The following SFMBT2 variants were observed in gnomAD, a reference collection of about 807,000 sequenced individuals.
SFMBT2 encodes Scm like with four mbt domains 2, also known as scm-like with four MBT domains protein 2.
A neutral mutation model predicts 110.1 loss-of-function variants in SFMBT2; 38 were observed. The observed-to-expected ratio is 0.35, with a 90% CI of 0.27 to 0.45. The LOEUF is 0.45. Ranked by LOEUF, SFMBT2 falls within the 20% of genes least tolerant of loss-of-function variation. SFMBT2 has a pLI of 1.00. For missense variants in SFMBT2, 1,011 were observed against 1,094.9 expected, an observed-to-expected ratio of 0.92 and a Z score of 1.08; for synonymous variants, 425 against 425.4, an observed-to-expected ratio of 1.00 and a Z score of 0.01.
chr10:7,264,020 A>C (rs2131783289), intron 7 of SFMBT2: 1 of 243,668 alleles, frequency 4.1e-6, no homozygotes, highest in African/African-American at 2.3e-5. Flanking sequence ...CACTGAAAAA[A>C]AGCACTGGAT....
intron 1 of SFMBT2, among the ~76,000 whole-genome samples, chr10:7,383,271 A>G (rs1382895221): frequency 6.6e-6 from 1 of 152,166 alleles, no homozygotes; most frequent in Non-Finnish European, 1.5e-5. Flanking sequence ...TGGGAGGCTG[A>G]GGCGGGAGGA....
intron 4 of SFMBT2, among the ~76,000 whole-genome samples, chr10:7,317,140 CCCAGGGT>C (rs1043243545): frequency 1.3e-5 from 2 of 152,080 alleles, no homozygotes; most frequent in Non-Finnish European, 2.9e-5. Flanking sequence ...TGCCCCCTCC[CCCAGGGT>C]CATGTCCTGA....
intron 20 of SFMBT2, chr10:7,164,326 C>T: frequency 2.7e-6 from 2 of 753,616 alleles, no homozygotes; most frequent in South Asian, 6.0e-5. Context: ...TTTGAGGTTG[C>T]AGTGAGCTGT....
At position 7,172,404 on chromosome 10, in the gene SFMBT2, C is replaced by T. The variant is rs542628467; in HGVS notation, c.2151+91G>A. 4.2e-4 allele frequency: 669 copies of T among 1,589,972 alleles called. No individual in the cohort carries two copies. The highest frequency in any genetic ancestry group is 5.1e-4 in the Non-Finnish European group (599 of 1,169,818). ...TTTCTGACCATCTTGCCACAATCTC[C>T]AGGGCCACCTCTGCTGTGAAGCAGC... On this transcript the variant is annotated intron_variant, in intron 18 of 20. Transcript: ENST00000397167. This position sits in a 1 kb window ranked among gnomAD's most constrained non-coding sequence, Gnocchi z 4.6.
At chr10:7,348,679 T>C (rs987397210) in intron 4 of SFMBT2, among the ~76,000 whole-genome samples, 18 of 152,252 alleles carry the variant, frequency 1.2e-4, no homozygotes, top group Admixed American at 2.0e-4. Context: ...ATAATCATTC[T>C]ATCTTCTGTT....
At position 7,370,132 on chromosome 10, in the gene SFMBT2, G is replaced by A. The variant is rs1845020558; in HGVS notation, c.195+149C>T. 3 of 624,364 alleles carry A rather than the reference G, an allele frequency of 4.8e-6. No homozygotes were observed. In the Admixed American group the frequency reaches 8.3e-5, roughly 17 times the overall value. The allele number at this position is 624,364 out of a possible 1,614,324, so 38.7% of individuals were successfully genotyped here. A position where few individuals can be genotyped will look rare whatever the true frequency, so the allele number is the denominator to read the frequency against. On this transcript the variant is annotated intron_variant, in intron 3 of 20. Transcript: ENST00000397167. Reference sequence around the variant, plus strand: ...AGTCTCAGCCTCAGCCTCCCAAAGTGCTGGGATTACAGGTGTGAGCCACCA... The same window carrying A: ...AGTCTCAGCCTCAGCCTCCCAAAGTACTGGGATTACAGGTGTGAGCCACCA...
At chr10:7,342,406 T>C (rs1843942886) in intron 4 of SFMBT2, among the ~76,000 whole-genome samples, 1 of 78,908 alleles carries the variant, frequency 1.3e-5, no homozygotes, top group Non-Finnish European at 2.3e-5. Context: ...CTTTTTTTTT[T>C]TTTTTTTTTT....
intron 4 of SFMBT2, among the ~76,000 whole-genome samples, chr10:7,358,353 ACATGGCCCTAGAACATCTG>A (rs1249343770): frequency 1.7e-4 from 21 of 121,374 alleles, no homozygotes; most frequent in East Asian, 8.0e-4. Context: ...TGTGACATCA[ACATGGCCCTAGAACATCTG>A]CATGGCCCTA....
chr10:7,172,866 T>C lies in SFMBT2; in HGVS notation c.1985-205A>G, dbSNP rs1429146867. On this transcript the variant is annotated intron_variant, in intron 17 of 20. Transcript: ENST00000397167. This position sits in a 1 kb window ranked among gnomAD's most constrained non-coding sequence, Gnocchi z 4.6. ...AGGTGTTCGGGCTGAACTTGGCCCG[T>C]CCCCAGTGTTGAAGCCCAAACCCCC... Among the ~76,000 whole-genome samples the C allele has an allele frequency of 6.6e-6, 1 of 152,124 alleles. No homozygotes were observed. The highest frequency in any genetic ancestry group is 2.4e-5 in the African/African-American group (1 of 41,412).
At chr10:7,209,926 T>C (rs1266997042) in intron 11 of SFMBT2, among the ~76,000 whole-genome samples, 1 of 152,230 alleles carries the variant, frequency 6.6e-6, no homozygotes, top group African/African-American at 2.4e-5. Flanking sequence ...AAGACTCTTA[T>C]ACATAAATAC....
At chr10:7,175,696 A>C (rs1441776969) in intron 17 of SFMBT2, among the ~76,000 whole-genome samples, 6 of 152,174 alleles carry the variant, frequency 3.9e-5, no homozygotes, top group African/African-American at 1.4e-4. Context: ...TGAGCTGTAG[A>C]ATCAATCAAT....
chr10:7,196,700 T>C (rs1375153169), intron 15 of SFMBT2, among the ~76,000 whole-genome samples: 1 of 152,214 alleles, frequency 6.6e-6, no homozygotes, highest in Non-Finnish European at 1.5e-5. Flanking sequence ...CCTGCAGAAT[T>C]TTAAGAAACA....
rs1383893988 is a variant in SFMBT2 at position 7,381,831 on chromosome 10, C to T, written c.68G>A (p.Gly23Asp). 6.2e-7 allele frequency: 1 copy of T among 1,613,734 alleles called. No homozygotes were observed. The highest frequency in any genetic ancestry group is 1.7e-4 in the Middle Eastern group (1 of 6,060). ...AAGGTCTCCATTTCCATTAGCTGAG[C>T]CGAGACACTTTTCCAAGGGTGAAGA... ...PSSSPLEKCL[G>D]SANGNGDLDS... is the part of the protein sequence containing the mutation. The change falls in exon 2 of 21, where the codon GGC (glycine) becomes GAC (aspartate). Residue 23 changes from glycine (G) to aspartate (D), a missense_variant. Around this residue, in one of 2 missense-constraint regions of SFMBT2, gnomAD observed 979 missense variants for 1,016.1 expected, o/e 0.96. Transcript: ENST00000397167.
intron 2 of SFMBT2, among the ~76,000 whole-genome samples, 164 bp downstream of exon 2, chr10:7,381,635 C>G (rs574937840): frequency 6.6e-6 from 1 of 152,118 alleles, no homozygotes; most frequent in African/African-American, 2.4e-5. Context: ...GAATCTTGAC[C>G]CAAATTTTAG....
Position 7,332,033 on chromosome 10 carries a change from A to AG in SFMBT2, c.436+35615_436+35616insC, listed in dbSNP as rs1354014337. Among the ~76,000 whole-genome samples, 42 of 143,602 alleles carry AG rather than the reference A, an allele frequency of 2.9e-4. 1 individual carries two copies. Among genetic ancestry groups the AG allele is most frequent in the African/African-American group, 9.9e-4 (38 of 38,294 alleles). The allele number at this position is 143,602 out of a possible 152,430, so 94.2% of individuals were successfully genotyped here. A position where few individuals can be genotyped will look rare whatever the true frequency, so the allele number is the denominator to read the frequency against. ...TCTGTCTCAAAAAAAAAAAAAAAAAAAAAAGGAAAGGTGAATGGTTACAGC... is the reference window on the plus strand; with the variant it reads ...TCTGTCTCAAAAAAAAAAAAAAAAAAGAAAAGGAAAGGTGAATGGTTACAGC... On this transcript the variant is annotated intron_variant, in intron 4 of 20. Coordinates refer to ENST00000397167, the MANE Select transcript of SFMBT2 (RefSeq NM_001387889.1).
chr10:7,223,835 T>C (rs533335283), intron 10 of SFMBT2, among the ~76,000 whole-genome samples: 2 of 152,342 alleles, frequency 1.3e-5, no homozygotes, highest in South Asian at 4.1e-4. Flanking sequence ...TTCAGTTGAT[T>C]GTAGGTGGAG....
intron 4 of SFMBT2, among the ~76,000 whole-genome samples, chr10:7,289,365 G>C (rs1168407719): frequency 6.6e-6 from 1 of 152,186 alleles, no homozygotes; most frequent in Non-Finnish European, 1.5e-5. Flanking sequence ...ACAGTTAAGT[G>C]AAAATTTTTA....
intron 4 of SFMBT2, among the ~76,000 whole-genome samples, chr10:7,357,749 T>C (rs1323790629): frequency 6.6e-6 from 1 of 152,242 alleles, no homozygotes; most frequent in Non-Finnish European, 1.5e-5. Context: ...CACCAAGCTT[T>C]AACATGATTC....
chr10:7,327,519 A>G (rs1195002660), intron 4 of SFMBT2, among the ~76,000 whole-genome samples: 1 of 152,096 alleles, frequency 6.6e-6, no homozygotes. Flanking sequence ...TGTCTCTACT[A>G]AAAATACAAA....
Sources: gnomAD v4.1 joint callset for allele counts (sites outside exome capture counted in the v4.1 genomes callset) on GRCh38, gnomAD v4.1.1 for gene constraint, gnomAD v4.1.1 regional missense constraint, Gnocchi (gnomAD v3.1) non-coding constraint, MANE v1.5 for transcripts, NCBI Gene and HGNC (gene_info 2026-07-23, HGNC 2026-07-21) for gene names.